Variants in EIF4B observed in about 807,000 individuals in gnomAD.
EIF4B encodes eukaryotic translation initiation factor 4B.
In EIF4B, 8 loss-of-function variants were observed where a neutral mutation model predicts 79.3. The observed-to-expected ratio is 0.10, with a 90% confidence interval of 0.06 to 0.18. The LOEUF is 0.18. EIF4B is among the 10% of genes least tolerant of loss of function. The probability of loss-of-function intolerance (pLI) is 1.00; values close to 1 mark genes in which losing one functional copy is unlikely to be tolerated. For missense variants in EIF4B, 515 were observed against 792.4 expected (o/e 0.65, Z 4.20); for synonymous variants, 238 against 274.7 (o/e 0.87, Z 1.32).
Position 53,020,021 on chromosome 12 carries a change from G to A in EIF4B, c.472G>A (p.Glu158Lys). 1 of 1,605,224 alleles carries A rather than the reference G, an allele frequency of 6.2e-7. No individual in the cohort carries two copies. Among genetic ancestry groups the A allele is most frequent in the Non-Finnish European group, 8.5e-7 (1 of 1,177,568 alleles). Reference sequence around the variant, plus strand: ...CCTGCTCAGTGCCCTGAGTCTCAATGAAGAGGTAAAGAAAATAAGAGTGGG... The same window carrying A: ...CCTGCTCAGTGCCCTGAGTCTCAATAAAGAGGTAAAGAAAATAAGAGTGGG... ...DSLLSALSLN[E>K]ESLGNRRIRV... is the part of the protein sequence containing the mutation. Residue 158 changes from glutamate to lysine, a missense_variant, in exon 4 of 15, where the codon GAA (glutamate) becomes AAA (lysine). Coordinates refer to ENST00000262056, the MANE Select transcript of EIF4B (RefSeq NM_001417.7).
At chr12:53,031,149 T>C (rs145654560) in intron 8 of EIF4B, among the ~76,000 whole-genome samples, 3 of 152,180 alleles carry the variant, frequency 2.0e-5, no homozygotes, top group African/African-American at 7.2e-5. Context: ...CAGTTGTCAG[T>C]TGTCTTTCTG....
chr12:53,023,862 C>T (rs1437814610), intron 6 of EIF4B, among the ~76,000 whole-genome samples: 1 of 152,136 alleles, frequency 6.6e-6, no homozygotes. Flanking sequence ...GGATTACAGG[C>T]ATGAGCCACT....
chr12:53,035,366 T>TG (rs1943521814), intron 10 of EIF4B, among the ~76,000 whole-genome samples: 1 of 150,910 alleles, frequency 6.6e-6, no homozygotes, highest in African/African-American at 2.4e-5. Context: ...ATTTTTTATT[T>TG]ATTTATTTTC....
intron 6 of EIF4B, among the ~76,000 whole-genome samples, chr12:53,027,558 CCTT>C (rs1232865824): frequency 2.6e-5 from 4 of 151,986 alleles, no homozygotes; most frequent in African/African-American, 4.8e-5. Flanking sequence ...AACCTCTTCT[CCTT>C]CTGGAAATTC....
At chr12:53,019,431 A>ATTTTTT (rs1555151903) in intron 3 of EIF4B, among the ~76,000 whole-genome samples, 30 of 35,150 alleles carry the variant, frequency 8.5e-4, no homozygotes, top group South Asian at 2.0e-3. Context: ...AATTATATAT[A>ATTTTTT]TATATATTTT....
intron 3 of EIF4B, 133 bp from the exon 4 acceptor site, chr12:53,019,777 C>T: frequency 1.4e-6 from 1 of 729,418 alleles, no homozygotes; most frequent in East Asian, 3.2e-5. Flanking sequence ...ATCAGTTTTC[C>T]TCCTGAGACA....
rs773251640 is a variant in EIF4B, at chr12:53,034,698, C to T, written c.1295C>T (p.Thr432Ile). ...SESSQTGTST[T>I]SSRNARRRES... ...TCATCACAAACTGGGACCTCCACCACATCTAGCAGAAGTAAGTCAGACCAG... is the reference window on the plus strand; with the variant it reads ...TCATCACAAACTGGGACCTCCACCATATCTAGCAGAAGTAAGTCAGACCAG... Residue 432 changes from threonine (T) to isoleucine (I), a missense_variant, in exon 10 of 15, where the codon ACA (threonine) becomes ATA (isoleucine). Around this residue, in one of 6 missense-constraint regions of EIF4B, gnomAD observed 146 missense variants for 228.0 expected, o/e 0.64. Transcript: ENST00000262056. 6.2e-7 allele frequency: 1 copy of T among 1,614,036 alleles called. No homozygotes were observed. The highest frequency in any genetic ancestry group is 1.7e-5 in the Admixed American group (1 of 60,016).
chr12:53,027,952 G>C, intron 7 of EIF4B, 33 bp downstream of exon 7: 1 of 1,557,778 alleles, frequency 6.4e-7, no homozygotes, highest in Non-Finnish European at 8.7e-7. Context: ...TGCTCTTTCA[G>C]TAACTTTGCC....
intron 10 of EIF4B, among the ~76,000 whole-genome samples, chr12:53,035,648 G>A (rs912264166): frequency 1.9e-4 from 29 of 151,860 alleles, no homozygotes; most frequent in African/African-American, 7.0e-4. Context: ...GATTACAGGC[G>A]TCAGCCACCG....
At chr12:53,006,970 A>C (rs2120868774) in intron 1 of EIF4B, among the ~76,000 whole-genome samples, 1 of 115,852 alleles carries the variant, frequency 8.6e-6, no homozygotes, top group Non-Finnish European at 1.7e-5. Context: ...AGCAGTTGGA[A>C]CGCGAGCGCG....
At chr12:53,030,254 C>T (rs1333143203) in intron 8 of EIF4B, among the ~76,000 whole-genome samples, 1 of 112,070 alleles carries the variant, frequency 8.9e-6, no homozygotes, top group Non-Finnish European at 1.9e-5. Context: ...GTAGCATGTG[C>T]CTGTAGTCCC....
At position 53,016,541 on chromosome 12, in the gene EIF4B, G is replaced by C; in HGVS notation, c.82G>C (p.Gly28Arg). 6.2e-7 allele frequency: 1 copy of C among 1,613,550 alleles called. No individual in the cohort carries two copies. The highest frequency in any genetic ancestry group is 8.5e-7 in the Non-Finnish European group (1 of 1,179,866). ...CTTTCTGGCTGAGGATGGGGGTACT[G>C]GTGGAGGAAGCACCTATGTTTCCAA... is the stretch of plus-strand genomic sequence containing the variant. ...TDFLAEDGGT[G>R]GGSTYVSKPV... Residue 28 changes from glycine to arginine, a missense_variant, in exon 2 of 15, where the codon GGT (glycine) becomes CGT (arginine). This residue lies in a region of EIF4B where 105 missense variants were observed against 177.2 expected (regional missense o/e 0.59). Coordinates refer to ENST00000262056, the MANE Select transcript of EIF4B (RefSeq NM_001417.7).
intron 6 of EIF4B, among the ~76,000 whole-genome samples, chr12:53,023,067 C>T (rs115541917): frequency 5.0e-4 from 76 of 151,928 alleles, no homozygotes; most frequent in African/African-American, 1.8e-3. Flanking sequence ...CAAGCTGAGG[C>T]AAGAGGACTC....
rs369797503 is a variant in EIF4B at position 53,009,126 on chromosome 12, C to T, written c.13+2630C>T. On this transcript the variant is annotated intron_variant, in intron 1 of 14. Transcript: ENST00000262056. ...GACTTGCCAGTAATAAGCCAGTTAC[C>T]GCTTGAATCTCAGTTTCTTTATCTG... is the stretch of plus-strand genomic sequence containing the variant. Among the ~76,000 whole-genome samples the T allele has an allele frequency of 3.9e-5, 6 of 152,228 alleles. No individual in the cohort carries two copies. In the East Asian group the frequency reaches 7.7e-4, roughly 20 times the overall value.
At position 53,036,377 on chromosome 12, in the gene EIF4B, G is replaced by A. The variant is rs1260974446; in HGVS notation, c.1307-1032G>A. On this transcript the variant is annotated intron_variant, in intron 10 of 14. Transcript: ENST00000262056. ...TCTGCCCGCCCTGGCCTCCCAAAGT[G>A]CTGGGATTACGGGCGTGAGCCGCCG... Among the ~76,000 whole-genome samples, 5 of 152,142 alleles carry A rather than the reference G, an allele frequency of 3.3e-5. No homozygotes were observed. The South Asian group carries it at 1.0e-3, about 31-fold the overall frequency.
chr12:53,027,787 C>T lies in EIF4B; in HGVS notation c.673C>T (p.Arg225Ter). 6.2e-7 allele frequency: 1 copy of T among 1,612,966 alleles called. No individual in the cohort carries two copies. Among genetic ancestry groups the T allele is most frequent in the Non-Finnish European group, 8.5e-7 (1 of 1,179,920 alleles). ...TACTTGTCTGTTTCCTCTAGAGTAT[C>T]GAGATCGTTATGATTCAGACCGGTA... ...RGDDSFGDKYRDRYDSDRYRD... is the reference protein window; with the variant it reads ...RGDDSFGDKY Residue 225 changes from arginine to a stop codon, truncating the protein, a stop_gained, in exon 7 of 15, where the codon CGA (arginine) becomes TGA (stop). Transcript: ENST00000262056. LOFTEE classifies it high-confidence loss of function.
At chr12:53,025,336 T>C (rs1206519797) in intron 6 of EIF4B, 2 of 443,970 alleles carry the variant, frequency 4.5e-6, no homozygotes, top group East Asian at 1.4e-4. Context: ...GCAAGCAGAA[T>C]GGATAACGAG....
At position 53,039,686 on chromosome 12, in the gene EIF4B, A is replaced by G. The variant is rs1307488948; in HGVS notation, c.1739A>G (p.Glu580Gly). 2 of 1,613,746 alleles carry G rather than the reference A, an allele frequency of 1.2e-6. No individual in the cohort carries two copies. The highest frequency in any genetic ancestry group is 2.2e-5 in the South Asian group (2 of 91,048). The change falls in exon 14 of 15, where the codon GAG (glutamate) becomes GGG (glycine). Residue 580 changes from glutamate (E) to glycine (G), a missense_variant. Glu to Gly is a moderately conservative substitution (Grantham distance 98). Transcript: ENST00000262056. The stretch of plus-strand genomic sequence containing the variant: ...TCTGCACCTGAGCCAAAGAAACCTG[A>G]GGAAAATCCAGCTTCCGTAAGTGTT... ...SRSAPEPKKP[E>G]ENPASKFSSA... is the part of the protein sequence containing the mutation.
Position 53,034,022 on chromosome 12 carries a change from G to A in EIF4B, c.1196G>A (p.Arg399Gln), listed in dbSNP as rs369144234. ...CTGGATGAGCCAAAACTAGAACGACGGCCTCGGGAGAGGTGTGTTGTCTTG... is the reference window on the plus strand; with the variant it reads ...CTGGATGAGCCAAAACTAGAACGACAGCCTCGGGAGAGGTGTGTTGTCTTG... The part of the protein sequence containing the change: ...RQLDEPKLER[R>Q]PRERHPSWRS... The change falls in exon 9 of 15, where the codon CGG (arginine) becomes CAG (glutamine). Residue 399 changes from arginine to glutamine, a missense_variant. Around this residue, in one of 6 missense-constraint regions of EIF4B, gnomAD observed 146 missense variants for 228.0 expected, o/e 0.64. Transcript: ENST00000262056. 14 of 1,610,718 alleles carry A rather than the reference G, an allele frequency of 8.7e-6. No homozygotes were observed. Among genetic ancestry groups the A allele is most frequent in the East Asian group, 2.2e-5 (1 of 44,872 alleles).
Sources: allele counts gnomAD v4.1 joint callset (sites outside exome capture counted in the v4.1 genomes callset), GRCh38; gene constraint gnomAD v4.1.1; regional missense constraint gnomAD v4.1.1; transcripts MANE v1.5; gene names NCBI Gene and HGNC (gene_info 2026-07-23, HGNC 2026-07-21).